Variants in ZNF185 observed in about 807,000 individuals in gnomAD.
ZNF185 encodes the protein zinc finger protein 185.
ZNF185 carries 56 observed loss-of-function variants against 58.6 expected under a neutral mutation model. That is an observed-to-expected ratio of 0.95 (90% CI 0.77 to 1.19). The LOEUF (loss-of-function observed/expected upper bound fraction) is 1.19, where lower values mean the gene tolerates loss of function less well. Among genes scored for constraint, ZNF185 ranks in the 50% most tolerant of loss-of-function variants. The pLI is 0.00. For synonymous variants in ZNF185, 230 were observed against 215.9 expected (o/e 1.07, Z -0.57); for missense variants, 627 against 573.5 (o/e 1.09, Z -0.95).
At chrX:152,955,134 A>T (rs1556903657) in intron 16 of ZNF185, among the ~76,000 whole-genome samples, 1 of 111,871 alleles carries the variant, frequency 8.9e-6, no homozygotes, top group African/African-American at 3.3e-5. Flanking sequence ...TGTTACAGGT[A>T]CACACTCCTA....
At chrX:152,968,763 G>C (rs1402095580) in intron 20 of ZNF185, among the ~76,000 whole-genome samples, 1 of 112,996 alleles carries the variant, frequency 8.8e-6, no homozygotes, top group African/African-American at 3.2e-5. Context: ...ATCAGATCAA[G>C]CAGTTACTTT....
intron 15 of ZNF185, 145 bp from the exon 18 acceptor site, chrX:152,945,122 G>T: frequency 1.6e-6 from 1 of 611,409 alleles, no homozygotes; most frequent in Non-Finnish European, 2.5e-6. Flanking sequence ...CTGGAATTGG[G>T]GCTGTGCCTG....
At chrX:152,911,331 G>A (rs1272830245), upstream of ZNF185, among the ~76,000 whole-genome samples, 1 of 111,719 alleles carries the variant, frequency 9.0e-6, no homozygotes. Context: ...GCACAGTGTC[G>A]GCATTGGGGG....
chrX:152,927,050 G>C (rs1243657355), intron 11 of ZNF185, among the ~76,000 whole-genome samples: 1 of 112,259 alleles, frequency 8.9e-6, no homozygotes, highest in Non-Finnish European at 1.9e-5. Flanking sequence ...AGTCACTGGA[G>C]CAGGCTGGGG....
chrX:152,901,075 G>A, the ZNF185 span, among the ~76,000 whole-genome samples: 2 of 111,924 alleles, frequency 1.8e-5, no homozygotes, highest in South Asian at 3.7e-4. Flanking sequence ...GAGAGATGCT[G>A]ACTGGGATGT....
rs1044600348 is a variant in ZNF185, at chrX:152,935,637, C to T, written c.1122-2437C>T. Among the ~76,000 whole-genome samples, 6 of 112,573 alleles carry T rather than the reference C, an allele frequency of 5.3e-5. No homozygotes were observed. In the East Asian group the frequency reaches 1.1e-3, roughly 21 times the overall value. ...AATCATCGAACTTAGTGATTCTTCT[C>T]CATTAGTGGCAGCTCAAAGAACTGA... On this transcript the variant is annotated intron_variant, in intron 14 of 22. Coordinates refer to ENST00000449285, the Ensembl canonical transcript of ZNF185.
intron 11 of ZNF185, among the ~76,000 whole-genome samples, chrX:152,926,067 G>T (rs1230500050): frequency 8.9e-6 from 1 of 112,515 alleles, no homozygotes; most frequent in African/African-American, 3.2e-5. Context: ...ACCTGACCAG[G>T]GCATGGCCTC....
At chrX:152,910,814 C>T (rs1937067022), upstream of ZNF185, among the ~76,000 whole-genome samples, 1 of 112,205 alleles carries the variant, frequency 8.9e-6, no homozygotes. Flanking sequence ...ACAAGAGCCA[C>T]CAGGAAGCCA....
the ZNF185 span, among the ~76,000 whole-genome samples, chrX:152,906,845 A>G: frequency 4.5e-5 from 5 of 110,721 alleles, no homozygotes; most frequent in Non-Finnish European, 9.5e-5. Context: ...ATGCACTGAG[A>G]CAAGCCCTGA....
At chrX:152,938,247 G>C in intron 15 of ZNF185, 84 bp downstream of exon 17, 4 of 960,411 alleles carry the variant, frequency 4.2e-6, no homozygotes, top group Non-Finnish European at 4.3e-6. Context: ...TGGCTGGGAA[G>C]GTGAGGCCAG....
At position 152,945,284 on chromosome X, in the gene ZNF185, A is replaced by G; in HGVS notation, c.1229A>G (p.Glu410Gly). The G allele has an allele frequency of 8.3e-7, 1 of 1,209,026 alleles. No individual in the cohort carries two copies. Among genetic ancestry groups the G allele is most frequent in the South Asian group, 1.8e-5 (1 of 56,406 alleles). ...TTCTTCAGGGCCTTGGCTGATTATG[A>G]GGGGAAGGATGTGGCCACCAGGGTC... The change falls in exon 16 of 23, where the codon GAG (glutamate) becomes GGG (glycine). Residue 410 changes from glutamate to glycine, a missense_variant. Transcript: ENST00000449285.
chrX:152,941,289 G>T (rs1050147720), intron 15 of ZNF185, among the ~76,000 whole-genome samples: 2 of 111,835 alleles, frequency 1.8e-5, no homozygotes, highest in East Asian at 5.6e-4. Context: ...GCCATTTTTG[G>T]TTGTCAAAAC....
intron 16 of ZNF185, among the ~76,000 whole-genome samples, chrX:152,949,433 G>C (rs782241015): frequency 4.0e-4 from 45 of 112,340 alleles, no homozygotes; most frequent in African/African-American, 1.4e-3. Context: ...CCCTTTCCGG[G>C]CCCCCTGGGG....
intron 15 of ZNF185, among the ~76,000 whole-genome samples, chrX:152,944,577 A>G (rs1556892772): frequency 8.9e-6 from 1 of 111,898 alleles, no homozygotes; most frequent in Non-Finnish European, 1.9e-5. Flanking sequence ...CCTCTTTCCC[A>G]CGGTACCCAG....
At chrX:152,932,838 A>C (rs2045856642) in intron 13 of ZNF185, 35 bp from the exon 15 acceptor site, 1 of 1,081,158 alleles carries the variant, frequency 9.2e-7, no homozygotes, top group Non-Finnish European at 1.3e-6. Context: ...TCAAAACGCA[A>C]CTAGAGTCAG....
chrX:152,900,081 A>G, the ZNF185 span, among the ~76,000 whole-genome samples: 1 of 112,211 alleles, frequency 8.9e-6, no homozygotes, highest in African/African-American at 3.2e-5. Context: ...ACGTGAGGCC[A>G]GTGATGCCAG....
exon 23 of ZNF185, chrX:152,972,450 A>G (rs1286934970): frequency 9.4e-6 from 1 of 106,903 alleles, no homozygotes; most frequent in East Asian, 3.0e-4. Flanking sequence ...TCCCTGAATT[A>G]TCCCCCCCCC....
intron 12 of ZNF185, among the ~76,000 whole-genome samples, 180 bp from the exon 14 acceptor site, chrX:152,931,492 C>G (rs1484686318): frequency 2.7e-5 from 3 of 112,387 alleles, no homozygotes; most frequent in Non-Finnish European, 5.6e-5. Flanking sequence ...ACTCCTGGCT[C>G]AAGTGATCCT....
At chrX:152,954,229 A>G (rs2079633595) in intron 16 of ZNF185, among the ~76,000 whole-genome samples, 1 of 110,053 alleles carries the variant, frequency 9.1e-6, no homozygotes, top group Non-Finnish European at 1.9e-5. Context: ...AGCAAAGGGG[A>G]ACCTGTTTGG....
Sources: allele counts gnomAD v4.1 joint callset (sites outside exome capture counted in the v4.1 genomes callset), GRCh38; gene constraint gnomAD v4.1.1; transcripts MANE v1.5; gene names NCBI Gene and HGNC (gene_info 2026-07-23, HGNC 2026-07-21).